Variants in SORBS3 observed in about 807,000 individuals in gnomAD.
SORBS3 encodes the protein vinexin.
Under a neutral mutation model 98.0 loss-of-function variants are expected in SORBS3, and 69 were observed. The ratio of observed to expected loss-of-function variants is 0.70; its 90% CI spans 0.58 to 0.86. The LOEUF is 0.86. SORBS3 is among the 40% of genes least tolerant of loss of function. The pLI is 0.00. For synonymous variants in SORBS3, 394 were observed against 355.4 expected (o/e 1.11, Z -1.22); for missense variants, 954 against 908.5 (o/e 1.05, Z -0.64).
upstream of SORBS3, among the ~76,000 whole-genome samples, chr8:22,547,910 C>T (rs111426758): frequency 0.013 from 1,945 of 152,296 alleles, 47 homozygotes; most frequent in African/African-American, 0.044. Flanking sequence ...GGGCAAACGG[C>T]TGAGTTCTCC....
At chr8:22,561,529 A>C in intron 6 of SORBS3, 156 bp downstream of exon 6, 1 of 757,898 alleles carries the variant, frequency 1.3e-6, no homozygotes, top group Non-Finnish European at 2.2e-6. Flanking sequence ...AGCACTTCAA[A>C]TCCCCCGGTA....
At chr8:22,564,858 A>G in intron 10 of SORBS3, 1 of 1,108,012 alleles carries the variant, frequency 9.0e-7, no homozygotes, top group Non-Finnish European at 1.1e-6. Context: ...AGAGGCTGGC[A>G]GGAAGCAGCG....
In SORBS3 at chr8:22,571,748, C is replaced by T. The variant is rs1563841286; in HGVS notation, c.1774C>T (p.His592Tyr). Residue 592 changes from histidine to tyrosine, a missense_variant, in exon 19 of 21, where the codon CAC becomes TAC. Physicochemically the swap from His to Tyr is moderately conservative, Grantham distance 83 (BLOSUM62 2). Coordinates refer to ENST00000240123, the MANE Select transcript of SORBS3 (RefSeq NM_005775.5). ...NLGTPGPALSHSRGPSHPLDL... is the reference protein window; with the variant it reads ...NLGTPGPALSYSRGPSHPLDL... ...TGGCACCCCTGGTCCAGCTCTGTCCCACTCTCGAGGTCCCAGCCATCCCCT... is the reference window on the plus strand; with the variant it reads ...TGGCACCCCTGGTCCAGCTCTGTCCTACTCTCGAGGTCCCAGCCATCCCCT... The T allele has an allele frequency of 6.2e-7, 1 of 1,613,968 alleles. No homozygotes were observed. Among genetic ancestry groups the T allele is most frequent in the South Asian group, 1.1e-5 (1 of 91,074 alleles).
chr8:22,554,589 C>T lies in SORBS3; in HGVS notation c.83C>T (p.Ser28Phe), dbSNP rs753866090. ...GGCCACCTCCAGTCCCACATAGGGT[C>T]TTCCTCCCGGGGGACACGGGTGAGT... Reference protein sequence around the residue: ...IPGHLQSHIGSSSRGTRVPVI... With the variant: ...IPGHLQSHIGFSSRGTRVPVI... The change falls in exon 2 of 21, where the codon TCT becomes TTT. Residue 28 changes from serine (S) to phenylalanine (F), a missense_variant. Ser to Phe is a radical substitution (Grantham distance 155, BLOSUM62 -2). Transcript: ENST00000240123. This position sits in a 1 kb window ranked among gnomAD's most constrained non-coding sequence, Gnocchi z 6.5. The T allele has an allele frequency of 2.4e-5, 39 of 1,612,632 alleles. No homozygotes were observed. The South Asian group carries it at 3.1e-4, about 13-fold the overall frequency.
intron 5 of SORBS3, 111 bp from the exon 6 acceptor site, chr8:22,561,224 G>A: frequency 9.7e-7 from 1 of 1,026,538 alleles, no homozygotes; most frequent in East Asian, 2.6e-5. Context: ...CCCTGACTCA[G>A]CCCTCAGCCC....
intron 7 of SORBS3, among the ~76,000 whole-genome samples, chr8:22,563,068 G>A (rs886330900): frequency 6.6e-5 from 10 of 152,154 alleles, no homozygotes; most frequent in East Asian, 3.9e-4. Flanking sequence ...GCAGTGAGCC[G>A]GGATTGCGCC....
chr8:22,563,285 C>G (rs1198053142), intron 7 of SORBS3, among the ~76,000 whole-genome samples: 3 of 152,202 alleles, frequency 2.0e-5, no homozygotes, highest in Non-Finnish European at 4.4e-5. Context: ...TGGTTCCTCT[C>G]AGTGGAAACT....
At chr8:22,570,064 T>G (rs1028941032) in intron 17 of SORBS3, among the ~76,000 whole-genome samples, 1 of 152,162 alleles carries the variant, frequency 6.6e-6, no homozygotes, top group African/African-American at 2.4e-5. Context: ...AACTGTAGAT[T>G]GTGGTGAAAC....
chr8:22,566,758 C>A (rs752110131), intron 14 of SORBS3, 45 bp downstream of exon 14: 2 of 1,613,118 alleles, frequency 1.2e-6, no homozygotes, highest in South Asian at 1.1e-5. Context: ...GGTCCCAAGG[C>A]TGCCATCCTG....
intron 17 of SORBS3, 98 bp downstream of exon 17, chr8:22,569,371 C>CAAAAA: frequency 9.2e-7 from 1 of 1,085,278 alleles, no homozygotes; most frequent in Non-Finnish European, 1.2e-6. Flanking sequence ...GACAGAGTCT[C>CAAAAA]ACTCTATCGC....
chr8:22,548,194 G>A (rs1054416875), upstream of SORBS3, among the ~76,000 whole-genome samples: 3 of 152,168 alleles, frequency 2.0e-5, no homozygotes, highest in African/African-American at 7.2e-5. Context: ...AGCATAGGAG[G>A]CCCTTTGAAG....
intron 20 of SORBS3, among the ~76,000 whole-genome samples, chr8:22,574,226 T>C (rs1840668253): frequency 6.6e-6 from 1 of 152,102 alleles, no homozygotes; most frequent in African/African-American, 2.4e-5. Context: ...GAGGCCTGGA[T>C]CGGAGTCCCA....
At chr8:22,564,766 T>C in intron 10 of SORBS3, 1 of 1,389,862 alleles carries the variant, frequency 7.2e-7, no homozygotes, top group South Asian at 1.6e-5. Flanking sequence ...CAGTGCGCAC[T>C]GGGATTATCA....
In SORBS3 at chr8:22,554,399, G is replaced by C; in HGVS notation, c.-55-53G>C. ...CCTATCCCAGGGTCGAGCCAAGAGGGCATGGGCAGCCTAGCCTAGCAGGGC... is the reference window on the plus strand; with the variant it reads ...CCTATCCCAGGGTCGAGCCAAGAGGCCATGGGCAGCCTAGCCTAGCAGGGC... On this transcript the variant is annotated intron_variant, in intron 1 of 20. Transcript: ENST00000240123. This position sits in a 1 kb window ranked among gnomAD's most constrained non-coding sequence, Gnocchi z 6.5. The C allele has an allele frequency of 1.3e-6, 2 of 1,499,684 alleles. No homozygotes were observed. Among genetic ancestry groups the C allele is most frequent in the Non-Finnish European group, 1.8e-6 (2 of 1,130,538 alleles). The allele number at this position is 1,499,684 out of a possible 1,614,324, so 92.9% of individuals were successfully genotyped here.
chr8:22,569,322 A>T, intron 17 of SORBS3, 49 bp downstream of exon 17: 1 of 1,474,772 alleles, frequency 6.8e-7, no homozygotes, highest in South Asian at 1.3e-5. Context: ...GTGAAGATGT[A>T]GGTAAATATG....
intron 5 of SORBS3, among the ~76,000 whole-genome samples, chr8:22,560,309 C>T (rs1191220309): frequency 6.6e-6 from 1 of 151,866 alleles, no homozygotes; most frequent in Non-Finnish European, 1.5e-5. Flanking sequence ...AGCATGATCC[C>T]GTCTCTGAAA....
chr8:22,571,685 C>T (rs2117299098), intron 18 of SORBS3, 33 bp from the exon 19 acceptor site: 2 of 1,525,824 alleles, frequency 1.3e-6, no homozygotes, highest in Non-Finnish European at 1.8e-6. Flanking sequence ...GTCTTCCTCC[C>T]TCTGACATCC....
At chr8:22,573,113 T>TG (rs553266012) in intron 20 of SORBS3, among the ~76,000 whole-genome samples, 58 of 149,664 alleles carry the variant, frequency 3.9e-4, no homozygotes, top group African/African-American at 1.4e-3. Flanking sequence ...GGGGGCTGCT[T>TG]GGGCAGCCCC....
At chr8:22,561,478 G>A (rs1200332655) in intron 6 of SORBS3, 105 bp downstream of exon 6, 3 of 1,289,934 alleles carry the variant, frequency 2.3e-6, no homozygotes, top group Non-Finnish European at 3.3e-6. Context: ...CTCTCCAGTT[G>A]GCTCAGTTCA....
Sources: gnomAD v4.1 joint callset for allele counts (sites outside exome capture counted in the v4.1 genomes callset) on GRCh38, gnomAD v4.1.1 for gene constraint, Gnocchi (gnomAD v3.1) non-coding constraint, MANE v1.5 for transcripts, NCBI Gene and HGNC (gene_info 2026-07-23, HGNC 2026-07-21) for gene names.